SORCS3: variants seen among roughly 807,000 people sequenced by gnomAD.
The protein encoded by SORCS3 is sortilin related VPS10 domain containing receptor 3.
In SORCS3, 57 loss-of-function variants were observed where a neutral mutation model predicts 146.3. The ratio of observed to expected loss-of-function variants is 0.39; its 90% CI spans 0.31 to 0.49. SORCS3 has a LOEUF of 0.49. Ranked by LOEUF, SORCS3 falls within the 20% of genes least tolerant of loss-of-function variation. The probability of loss-of-function intolerance (pLI) is 0.92; values close to 1 mark genes in which losing one functional copy is unlikely to be tolerated. For missense variants in SORCS3, 1,341 were observed against 1,575.5 expected (o/e 0.85, Z 2.52); for synonymous variants, 653 against 618.5 (o/e 1.06, Z -0.83).
chr10:105,148,463 A>G (rs1022693791), intron 9 of SORCS3, among the ~76,000 whole-genome samples: 16 of 152,162 alleles, frequency 1.1e-4, no homozygotes, highest in African/African-American at 3.9e-4. Flanking sequence ...AGTGACCTAA[A>G]AGATGTGGTA....
At chr10:105,169,522 A>G (rs2056342637) in intron 13 of SORCS3, among the ~76,000 whole-genome samples, 1 of 152,070 alleles carries the variant, frequency 6.6e-6, no homozygotes, top group Non-Finnish European at 1.5e-5. Flanking sequence ...AGGAGAGGTG[A>G]GAGGCAAGCC....
intron 3 of SORCS3, among the ~76,000 whole-genome samples, chr10:104,961,096 C>G (rs1360358590): frequency 6.6e-6 from 1 of 151,996 alleles, no homozygotes; most frequent in Non-Finnish European, 1.5e-5. Flanking sequence ...TTTGCTTTAT[C>G]TTTTCATATA....
intron 1 of SORCS3, among the ~76,000 whole-genome samples, chr10:104,731,464 G>C (rs1589476777): frequency 6.6e-6 from 1 of 152,270 alleles, no homozygotes; most frequent in South Asian, 2.1e-4. Context: ...AGAAGTCACT[G>C]CCGGGGACAC....
intron 3 of SORCS3, among the ~76,000 whole-genome samples, chr10:104,919,359 T>C (rs2019063653): frequency 7.1e-6 from 1 of 141,266 alleles, no homozygotes; most frequent in Non-Finnish European, 1.5e-5. Flanking sequence ...AACAGGCCAA[T>C]GGCATGGATT....
intron 3 of SORCS3, among the ~76,000 whole-genome samples, chr10:104,960,487 C>T (rs1333119246): frequency 6.6e-6 from 1 of 151,986 alleles, no homozygotes; most frequent in Non-Finnish European, 1.5e-5. Context: ...TAAGCAGAGT[C>T]CCAAGGTGGC....
At chr10:104,745,697 C>T (rs148744108) in intron 1 of SORCS3, among the ~76,000 whole-genome samples, 1 of 152,268 alleles carries the variant, frequency 6.6e-6, no homozygotes, top group East Asian at 1.9e-4. Flanking sequence ...CATCTTATAT[C>T]ACTGAAACGT....
intron 2 of SORCS3, among the ~76,000 whole-genome samples, chr10:104,870,763 T>C (rs1298379726): frequency 6.6e-6 from 1 of 152,136 alleles, no homozygotes; most frequent in African/African-American, 2.4e-5. Flanking sequence ...CCAGCCTGAT[T>C]TGAATGGGAT....
At chr10:104,855,219 A>C (rs2018316649) in intron 2 of SORCS3, among the ~76,000 whole-genome samples, 1 of 152,066 alleles carries the variant, frequency 6.6e-6, no homozygotes. Context: ...CATCCTCTTC[A>C]TATTATAGTG....
At chr10:105,021,551 A>T (rs2055197490) in intron 4 of SORCS3, among the ~76,000 whole-genome samples, 1 of 152,160 alleles carries the variant, frequency 6.6e-6, no homozygotes, top group Non-Finnish European at 1.5e-5. Context: ...CTCTACCTGA[A>T]CTCTGACACA....
intron 1 of SORCS3, among the ~76,000 whole-genome samples, chr10:104,795,636 C>T (rs889378529): frequency 2.0e-5 from 3 of 152,204 alleles, no homozygotes; most frequent in East Asian, 1.9e-4. Flanking sequence ...TCACTAAATC[C>T]GGTATTTCAG....
At chr10:104,740,452 G>A (rs2016828525) in intron 1 of SORCS3, among the ~76,000 whole-genome samples, 1 of 152,142 alleles carries the variant, frequency 6.6e-6, no homozygotes. Flanking sequence ...CCTCCTCTGG[G>A]AAGTCTTATC....
At chr10:104,728,698 C>T (rs1164534422) in intron 1 of SORCS3, among the ~76,000 whole-genome samples, 1 of 152,138 alleles carries the variant, frequency 6.6e-6, no homozygotes, top group Non-Finnish European at 1.5e-5. Context: ...TCTCCTAGGG[C>T]CTGCAGACCC....
rs76148893 is a variant in SORCS3 at position 105,136,790 on chromosome 10, C to T, written c.1213-2607C>T. 7.7e-3 allele frequency among the ~76,000 whole-genome samples: 1,172 copies of T among 152,272 alleles called. 67 individuals carry two copies. The East Asian group carries it at 0.15, about 19-fold the overall frequency. On this transcript the variant is annotated intron_variant, in intron 7 of 26. Transcript: ENST00000369701. ...AGCTTGGTATCTCTGGGAGATACTACAGTATCAGAGGTACTTGGAGACCCC... is the reference window on the plus strand; with the variant it reads ...AGCTTGGTATCTCTGGGAGATACTATAGTATCAGAGGTACTTGGAGACCCC...
intron 2 of SORCS3, 55 bp downstream of exon 2, chr10:104,842,914 C>T (rs2018159339): frequency 9.3e-6 from 13 of 1,394,130 alleles, no homozygotes; most frequent in African/African-American, 2.8e-5. Flanking sequence ...ACATGAGAAA[C>T]GCAAGCTAAG....
chr10:105,068,537 T>C lies in SORCS3; in HGVS notation c.1029-21238T>C, dbSNP rs369701441. 1.1e-4 allele frequency among the ~76,000 whole-genome samples: 17 copies of C among 152,344 alleles called. No homozygotes were observed. The East Asian group carries it at 2.9e-3, about 26-fold the overall frequency. ...ACTTGAGTCAGTCCTTTATGGCTTC[T>C]TCTTGTTTCCTAAAACACCGGCTAA... On this transcript the variant is annotated intron_variant, in intron 5 of 26. Transcript: ENST00000369701.
At chr10:104,968,174 G>T (rs112239598) in intron 3 of SORCS3, among the ~76,000 whole-genome samples, 1 of 152,096 alleles carries the variant, frequency 6.6e-6, no homozygotes, top group African/African-American at 2.4e-5. Context: ...GGAGTGTAAT[G>T]GTGCAATCTC....
At chr10:105,257,340 G>T (rs991975456) in intron 25 of SORCS3, among the ~76,000 whole-genome samples, 14 of 152,116 alleles carry the variant, frequency 9.2e-5, no homozygotes, top group South Asian at 2.1e-4. Flanking sequence ...AGACACCGAT[G>T]CATTTTTTTA....
At chr10:104,919,595 A>G (rs907578725) in intron 3 of SORCS3, among the ~76,000 whole-genome samples, 3 of 152,154 alleles carry the variant, frequency 2.0e-5, no homozygotes, top group African/African-American at 7.2e-5. Flanking sequence ...AGGCTGAGGC[A>G]GGAGAATCGC....
At position 105,015,964 on chromosome 10, in the gene SORCS3, G is replaced by A. The variant is rs190668687; in HGVS notation, c.955-27091G>A. Among the ~76,000 whole-genome samples, 50 of 151,140 alleles carry A rather than the reference G, an allele frequency of 3.3e-4. No individual in the cohort carries two copies. The East Asian group carries it at 7.4e-3, about 22-fold the overall frequency. On this transcript the variant is annotated intron_variant, in intron 4 of 26. Coordinates refer to ENST00000369701, the MANE Select transcript of SORCS3 (RefSeq NM_014978.3). Reference sequence around the variant, plus strand: ...AGGCTGGCCTCAAACTCCTGACTTCGTGATCTGCCCCCCTCAGCCTCCCAA... The same window carrying A: ...AGGCTGGCCTCAAACTCCTGACTTCATGATCTGCCCCCCTCAGCCTCCCAA...
Sources: allele counts gnomAD v4.1 joint callset (sites outside exome capture counted in the v4.1 genomes callset), GRCh38; gene constraint gnomAD v4.1.1; transcripts MANE v1.5; gene names NCBI Gene and HGNC (gene_info 2026-07-23, HGNC 2026-07-21).